The following PCOLCE variants were observed in gnomAD, a reference collection of about 807,000 sequenced individuals.
PCOLCE encodes the protein procollagen C-endopeptidase enhancer 1.
A neutral mutation model predicts 47.2 loss-of-function variants in PCOLCE; 33 were observed. That is an observed-to-expected ratio of 0.70 (90% CI 0.53 to 0.93). PCOLCE has a LOEUF of 0.93. Ranked by LOEUF, PCOLCE falls within the 40% of genes least tolerant of loss-of-function variation. The pLI, the probability that PCOLCE is intolerant of heterozygous loss-of-function variation, is 0.00. For synonymous variants in PCOLCE, 254 were observed against 252.5 expected (o/e 1.01, Z -0.06); for missense variants, 584 against 585.3 (o/e 1.00, Z 0.02).
Position 100,605,813 on chromosome 7 carries a change from G to C in PCOLCE, c.725+1G>C. 6.4e-7 allele frequency: 1 copy of C among 1,551,798 alleles called. No homozygotes were observed. Among genetic ancestry groups the C allele is most frequent in the South Asian group, 1.2e-5 (1 of 84,154 alleles). ...AGTTCTGCGGCGACGCAGTCCCGGGGTGAGGGGCGGGACCTGGGCGAGTCC... is the reference window on the plus strand; with the variant it reads ...AGTTCTGCGGCGACGCAGTCCCGGGCTGAGGGGCGGGACCTGGGCGAGTCC... On this transcript the variant is annotated splice_donor_variant, in intron 5 of 8. Transcript: ENST00000223061. LOFTEE classifies it high-confidence loss of function. This position sits in a 1 kb window ranked among gnomAD's most constrained non-coding sequence, Gnocchi z 6.1.
chr7:100,603,614 C>G (rs924914908), intron 2 of PCOLCE, 76 bp downstream of exon 2: 1 of 636,146 alleles, frequency 1.6e-6, no homozygotes, highest in Middle Eastern at 3.5e-4. Context: ...GGGACCCCCC[C>G]CCCGTCCCCC....
chr7:100,603,146 C>T lies in PCOLCE; in HGVS notation c.96-284C>T, dbSNP rs1802643329. The T allele has an allele frequency of 1.2e-5, 4 of 335,838 alleles. No individual in the cohort carries two copies. The South Asian group carries it at 1.9e-4, about 16-fold the overall frequency. 20.8% of individuals were successfully genotyped at this position (335,838 alleles called of 1,614,324 possible). ...TGAGGCGGGAGTCTGGAAGGGGGGC[C>T]GAGGAGGATTCCGGGAATTCCTGTT... On this transcript the variant is annotated intron_variant, in intron 1 of 8. Coordinates refer to ENST00000223061, the MANE Select transcript of PCOLCE (RefSeq NM_002593.4).
Position 100,605,813 on chromosome 7 carries a change from G to T in PCOLCE, c.725+1G>T. On this transcript the variant is annotated splice_donor_variant, in intron 5 of 8. Coordinates refer to ENST00000223061, the MANE Select transcript of PCOLCE (RefSeq NM_002593.4). LOFTEE classifies it high-confidence loss of function. This position sits in a 1 kb window ranked among gnomAD's most constrained non-coding sequence, Gnocchi z 6.1. ...AGTTCTGCGGCGACGCAGTCCCGGG[G>T]TGAGGGGCGGGACCTGGGCGAGTCC... 6.4e-7 allele frequency: 1 copy of T among 1,551,798 alleles called. No homozygotes were observed. Among genetic ancestry groups the T allele is most frequent in the Non-Finnish European group, 8.7e-7 (1 of 1,147,374 alleles).
chr7:100,606,726 A>C lies in PCOLCE; in HGVS notation c.940+96A>C. 3 of 902,736 alleles carry C rather than the reference A, an allele frequency of 3.3e-6. No homozygotes were observed. The South Asian group carries it at 5.2e-5, about 16-fold the overall frequency. 55.9% of individuals were successfully genotyped at this position (902,736 alleles called of 1,614,324 possible). A position where few individuals can be genotyped will look rare whatever the true frequency, so the allele number is the denominator to read the frequency against. On this transcript the variant is annotated intron_variant, in intron 6 of 8. Coordinates refer to ENST00000223061, the MANE Select transcript of PCOLCE (RefSeq NM_002593.4). ...TGTGGCTCACACCTGTAATCCCAGC[A>C]TTTTGGGAGGTCCAGACAGCAGGAT...
At position 100,604,990 on chromosome 7, in the gene PCOLCE, G is replaced by A. The variant is rs1288717814; in HGVS notation, c.464-101G>A. Reference sequence around the variant, plus strand: ...TCTCGTCCCCTCATCCTGAGCCCCAGACATCCGAGCTGCCTGCCGGGGCTC... The same window carrying A: ...TCTCGTCCCCTCATCCTGAGCCCCAAACATCCGAGCTGCCTGCCGGGGCTC... On this transcript the variant is annotated intron_variant, in intron 3 of 8. Coordinates refer to ENST00000223061, the MANE Select transcript of PCOLCE (RefSeq NM_002593.4). The surrounding 1 kb of genome is among the most constrained non-coding windows in gnomAD (Gnocchi z 6.4). The A allele has an allele frequency of 2.6e-6, 2 of 769,894 alleles. No homozygotes were observed. Among genetic ancestry groups the A allele is most frequent in the Non-Finnish European group, 2.2e-6 (1 of 460,302 alleles). The allele number at this position is 769,894 out of a possible 1,614,324, so 47.7% of individuals were successfully genotyped here. A position where few individuals can be genotyped will look rare whatever the true frequency, so the allele number is the denominator to read the frequency against.
At position 100,607,512 on chromosome 7, in the gene PCOLCE, C is replaced by A; in HGVS notation, c.1001C>A (p.Ala334Asp). 1 of 1,614,042 alleles carries A rather than the reference C, an allele frequency of 6.2e-7. No individual in the cohort carries two copies. The highest frequency in any genetic ancestry group is 1.1e-5 in the South Asian group (1 of 91,074). Residue 334 changes from alanine to aspartate, a missense_variant, in exon 7 of 9, where the codon GCC (alanine) becomes GAC (aspartate). By Grantham distance (126) the Ala-to-Asp change is moderately radical (BLOSUM62 -2). Coordinates refer to ENST00000223061, the MANE Select transcript of PCOLCE (RefSeq NM_002593.4). ...RTGTLQSNFCASSLVVTATVK... is the reference protein window; with the variant it reads ...RTGTLQSNFCDSSLVVTATVK... The stretch of plus-strand genomic sequence containing the variant: ...GGCACCTTGCAGAGCAACTTCTGTG[C>A]CAGCAGCCTTGGTAAGAATACCCCC...
Position 100,605,014 on chromosome 7 carries a change from TC to T in PCOLCE, c.464-74del. 1 of 1,058,264 alleles carries T rather than the reference TC, an allele frequency of 9.4e-7. No homozygotes were observed. Among genetic ancestry groups the T allele is most frequent in the Non-Finnish European group, 1.4e-6 (1 of 713,400 alleles). The allele number at this position is 1,058,264 out of a possible 1,614,324, so 65.6% of individuals were successfully genotyped here. On this transcript the variant is annotated intron_variant, in intron 3 of 8. Transcript: ENST00000223061. This position sits in a 1 kb window ranked among gnomAD's most constrained non-coding sequence, Gnocchi z 6.1. ...AGACATCCGAGCTGCCTGCCGGGGCTCCCAGCCTAGAGTTCTCCTGAAGCTG... is the reference window on the plus strand; with the variant it reads ...AGACATCCGAGCTGCCTGCCGGGGCTCCAGCCTAGAGTTCTCCTGAAGCTG...
rs1243700174 is a variant in PCOLCE, at chr7:100,605,297, T to G, written c.588+82T>G. On this transcript the variant is annotated intron_variant, in intron 4 of 8. Transcript: ENST00000223061. The surrounding 1 kb of genome is among the most constrained non-coding windows in gnomAD (Gnocchi z 6.1). The stretch of plus-strand genomic sequence containing the variant: ...GCAGCCAGCAGAGATTTATTGAAGA[T>G]CTGCTGTGTCCCGAGCACTGCGCTT... The G allele has an allele frequency of 7.7e-6, 11 of 1,421,778 alleles. No homozygotes were observed. Among genetic ancestry groups the G allele is most frequent in the African/African-American group, 2.8e-5 (2 of 70,932 alleles). The allele number at this position is 1,421,778 out of a possible 1,614,324, so 88.1% of individuals were successfully genotyped here. A position where few individuals can be genotyped will look rare whatever the true frequency, so the allele number is the denominator to read the frequency against.
At position 100,606,556 on chromosome 7, in the gene PCOLCE, G is replaced by A. The variant is rs747335796; in HGVS notation, c.866G>A (p.Gly289Glu). 3.1e-6 allele frequency: 5 copies of A among 1,614,076 alleles called. No homozygotes were observed. The highest frequency in any genetic ancestry group is 4.2e-6 in the Non-Finnish European group (5 of 1,180,006). ...GGGCAAGGGCCCGGCCCCAAACGGG[G>A]AACTGAGCCTAAAGTCAAGCTGCCC... ...KEGQGPGPKR[G>E]TEPKVKLPPK... The change falls in exon 6 of 9, where the codon GGA becomes GAA. Residue 289 changes from glycine to glutamate, a missense_variant. Gly to Glu is a moderately conservative substitution (Grantham distance 98, BLOSUM62 -2). Transcript: ENST00000223061.
rs1393258661 is a variant in PCOLCE, at chr7:100,605,805, G to A, written c.718G>A (p.Val240Ile). The A allele has an allele frequency of 1.9e-6, 3 of 1,552,192 alleles. No individual in the cohort carries two copies. Among genetic ancestry groups the A allele is most frequent in the Non-Finnish European group, 2.6e-6 (3 of 1,147,614 alleles). Reference sequence around the variant, plus strand: ...GCTGGGGAAGTTCTGCGGCGACGCAGTCCCGGGGTGAGGGGCGGGACCTGG... The same window carrying A: ...GCTGGGGAAGTTCTGCGGCGACGCAATCCCGGGGTGAGGGGCGGGACCTGG... ...RRLGKFCGDA[V>I]PGSISSEGNE... Residue 240 changes from valine to isoleucine, a missense_variant, in exon 5 of 9, where the codon GTC (valine) becomes ATC (isoleucine). Val to Ile is a conservative substitution (Grantham distance 29). Coordinates refer to ENST00000223061, the MANE Select transcript of PCOLCE (RefSeq NM_002593.4). This position sits in a 1 kb window ranked among gnomAD's most constrained non-coding sequence, Gnocchi z 6.1.
chr7:100,607,140 G>A (rs933619479), intron 6 of PCOLCE, among the ~76,000 whole-genome samples: 3 of 151,260 alleles, frequency 2.0e-5, no homozygotes, highest in Non-Finnish European at 2.9e-5. Flanking sequence ...CTACTCCGGA[G>A]GCTGAGGTGG....
Position 100,607,803 on chromosome 7 carries a change from G to A in PCOLCE, c.1179G>A (p.Lys393=). The change falls in exon 8 of 9, where the codon AAG becomes AAA. Residue 393 remains lysine, a synonymous_variant. Coordinates refer to ENST00000223061, the MANE Select transcript of PCOLCE (RefSeq NM_002593.4). ...YVPCKQCPPM[K]KGVSYLLMGQ... is the part of the protein sequence containing the mutation. Reference sequence around the variant, plus strand: ...CTTGCAAGCAGTGCCCCCCCATGAAGAAAGGTAACAGAGATGTGGGGAAAT... The same window carrying A: ...CTTGCAAGCAGTGCCCCCCCATGAAAAAAGGTAACAGAGATGTGGGGAAAT... 6.2e-7 allele frequency: 1 copy of A among 1,614,154 alleles called. No individual in the cohort carries two copies. Among genetic ancestry groups the A allele is most frequent in the Non-Finnish European group, 8.5e-7 (1 of 1,180,030 alleles).
At position 100,605,220 on chromosome 7, in the gene PCOLCE, C is replaced by A; in HGVS notation, c.588+5C>A. ...ATCATCGCGCCCCCGGACCAGGTAC[C>A]GACCCTCCTCCCCGGGCTGCCCTAG... is the stretch of plus-strand genomic sequence containing the variant. On this transcript the variant is annotated splice_donor_5th_base_variant and intron_variant, in intron 4 of 8. Transcript: ENST00000223061. This position sits in a 1 kb window ranked among gnomAD's most constrained non-coding sequence, Gnocchi z 6.1. The A allele has an allele frequency of 6.2e-7, 1 of 1,609,746 alleles. No individual in the cohort carries two copies.
At position 100,603,607 on chromosome 7, in the gene PCOLCE, ACC is replaced by A. The variant is rs112882557; in HGVS notation, c.204+78_204+79del. 1,625 of 542,288 alleles carry A rather than the reference ACC, an allele frequency of 3.0e-3. 2 individuals are homozygous for A. The highest frequency in any genetic ancestry group is 3.9e-3 in the Non-Finnish European group (1,227 of 313,746). 33.6% of individuals were successfully genotyped at this position (542,288 alleles called of 1,614,324 possible). ...GGCAAAAAGGCCTGACTGCGAAGGGACCCCCCCCCCGTCCCCCCCGCACCACC... is the reference window on the plus strand; with the variant it reads ...GGCAAAAAGGCCTGACTGCGAAGGGACCCCCCCCGTCCCCCCCGCACCACC... On this transcript the variant is annotated intron_variant, in intron 2 of 8. Transcript: ENST00000223061.
In PCOLCE at chr7:100,603,482, A is replaced by G; in HGVS notation, c.148A>G (p.Ser50Gly). The change falls in exon 2 of 9, where the codon AGT (serine) becomes GGT (glycine). Residue 50 changes from serine to glycine, a missense_variant. Coordinates refer to ENST00000223061, the MANE Select transcript of PCOLCE (RefSeq NM_002593.4). ...DVKGESGYVA[S>G]EGFPNLYPPN... ...GAAGGGGGAATCAGGTTACGTGGCAAGTGAGGGGTTCCCCAACCTCTACCC... is the reference window on the plus strand; with the variant it reads ...GAAGGGGGAATCAGGTTACGTGGCAGGTGAGGGGTTCCCCAACCTCTACCC... The G allele has an allele frequency of 6.2e-7, 1 of 1,607,422 alleles. No individual in the cohort carries two copies. Among genetic ancestry groups the G allele is most frequent in the Non-Finnish European group, 8.5e-7 (1 of 1,176,832 alleles).
At position 100,605,823 on chromosome 7, in the gene PCOLCE, G is replaced by A. The variant is rs1177687476; in HGVS notation, c.725+11G>A. On this transcript the variant is annotated intron_variant, in intron 5 of 8. Transcript: ENST00000223061. This position sits in a 1 kb window ranked among gnomAD's most constrained non-coding sequence, Gnocchi z 6.1. The stretch of plus-strand genomic sequence containing the variant: ...CGACGCAGTCCCGGGGTGAGGGGCG[G>A]GACCTGGGCGAGTCCGGGAGAGAGT... 1.3e-5 allele frequency: 20 copies of A among 1,550,522 alleles called. No homozygotes were observed. Among genetic ancestry groups the A allele is most frequent in the Non-Finnish European group, 1.7e-5 (20 of 1,146,682 alleles).
In PCOLCE at chr7:100,605,582, G is replaced by A; in HGVS notation, c.589-94G>A. The A allele has an allele frequency of 1.4e-6, 2 of 1,439,090 alleles. No homozygotes were observed. Among genetic ancestry groups the A allele is most frequent in the Non-Finnish European group, 1.9e-6 (2 of 1,065,036 alleles). 89.1% of individuals were successfully genotyped at this position (1,439,090 alleles called of 1,614,324 possible). ...GGGGGGCCCAGAGGACGCGGGAGGTGGGAGTGGGAGCTGCTGCAGGCACCC... is the reference window on the plus strand; with the variant it reads ...GGGGGGCCCAGAGGACGCGGGAGGTAGGAGTGGGAGCTGCTGCAGGCACCC... On this transcript the variant is annotated intron_variant, in intron 4 of 8. Coordinates refer to ENST00000223061, the MANE Select transcript of PCOLCE (RefSeq NM_002593.4). This position sits in a 1 kb window ranked among gnomAD's most constrained non-coding sequence, Gnocchi z 6.1.
chr7:100,606,208 A>G (rs896803624), intron 5 of PCOLCE: 24 of 569,336 alleles, frequency 4.2e-5, no homozygotes, highest in Middle Eastern at 4.6e-4. Context: ...GCGTGCCTGT[A>G]GTCCCAGCAA....
chr7:100,606,800 T>C (rs1802725488), intron 6 of PCOLCE, among the ~76,000 whole-genome samples, 170 bp downstream of exon 6: 1 of 151,998 alleles, frequency 6.6e-6, no homozygotes, highest in African/African-American at 2.4e-5. Context: ...TTTTCAAAAA[T>C]AAAAAATTAG....
Sources: allele counts gnomAD v4.1 joint callset (sites outside exome capture counted in the v4.1 genomes callset), GRCh38; gene constraint gnomAD v4.1.1; non-coding constraint Gnocchi (gnomAD v3.1); transcripts MANE v1.5; gene names NCBI Gene and HGNC (gene_info 2026-07-23, HGNC 2026-07-21).